Variants in ADAM2 observed in about 807,000 individuals in gnomAD.
ADAM2 encodes disintegrin and metalloproteinase domain-containing protein 2.
A neutral mutation model predicts 99.3 loss-of-function variants in ADAM2; 101 were observed. The ratio of observed to expected loss-of-function variants is 1.02; its 90% CI spans 0.87 to 1.20. ADAM2 has a LOEUF of 1.20. ADAM2 is among the 50% of genes most tolerant of loss of function. ADAM2 has a pLI of 0.00. For missense variants in ADAM2, 948 were observed against 878.7 expected (o/e 1.08, Z -1.00); for synonymous variants, 323 against 287.6 (o/e 1.12, Z -1.25).
chr8:39,830,266 A>T (rs1213106599), intron 3 of ADAM2, among the ~76,000 whole-genome samples: 1 of 152,140 alleles, frequency 6.6e-6, no homozygotes, highest in African/African-American at 2.4e-5. Flanking sequence ...TGACAGATGA[A>T]CAATAATTTT....
At chr8:39,763,263 T>C (rs1321639312) in intron 14 of ADAM2, among the ~76,000 whole-genome samples, 1 of 152,104 alleles carries the variant, frequency 6.6e-6, no homozygotes, top group Non-Finnish European at 1.5e-5. Flanking sequence ...GTAAATTAGA[T>C]AGGTTGGTCA....
intron 7 of ADAM2, among the ~76,000 whole-genome samples, chr8:39,808,692 T>C (rs570647141): frequency 1.3e-5 from 2 of 152,172 alleles, no homozygotes; most frequent in South Asian, 4.1e-4. Context: ...CCGAGGCAGG[T>C]GGATCACGAG....
chr8:39,795,043 T>TA (rs59154527), intron 7 of ADAM2, among the ~76,000 whole-genome samples: 40 of 151,478 alleles, frequency 2.6e-4, no homozygotes, highest in South Asian at 4.2e-4. Flanking sequence ...CTTTATCTAC[T>TA]AAAAAAAAAT....
intron 14 of ADAM2, among the ~76,000 whole-genome samples, chr8:39,764,372 T>G (rs891520420): frequency 6.6e-6 from 1 of 152,220 alleles, no homozygotes. Flanking sequence ...ATTGCATCAC[T>G]GTACTACAGT....
At chr8:39,784,132 T>C (rs1803354068) in intron 10 of ADAM2, among the ~76,000 whole-genome samples, 1 of 152,110 alleles carries the variant, frequency 6.6e-6, no homozygotes, top group African/African-American at 2.4e-5. Flanking sequence ...GTGGTGGGAA[T>C]TTAAACATCA....
chr8:39,783,605 A>G (rs1290117058), intron 10 of ADAM2, among the ~76,000 whole-genome samples: 1 of 152,154 alleles, frequency 6.6e-6, no homozygotes, highest in African/African-American at 2.4e-5. Context: ...ACTATATCTA[A>G]AGACGTATAA....
chr8:39,775,339 A>G (rs1234544319), intron 11 of ADAM2, among the ~76,000 whole-genome samples: 1 of 151,778 alleles, frequency 6.6e-6, no homozygotes, highest in Non-Finnish European at 1.5e-5. Context: ...TTCTAAATAA[A>G]TCCACATACT....
intron 6 of ADAM2, among the ~76,000 whole-genome samples, chr8:39,818,259 G>A (rs1277883564): frequency 6.6e-6 from 1 of 151,994 alleles, no homozygotes; most frequent in Non-Finnish European, 1.5e-5. Context: ...TACAAGGTTA[G>A]TTTAATAATC....
chr8:39,819,220 T>C (rs1255476773), intron 6 of ADAM2, among the ~76,000 whole-genome samples: 2 of 152,042 alleles, frequency 1.3e-5, no homozygotes, highest in African/African-American at 4.8e-5. Flanking sequence ...CTGGTAATAA[T>C]ACTTAACATT....
At position 39,834,000 on chromosome 8, in the gene ADAM2, C is replaced by T; in HGVS notation, c.133-1G>A. 1 of 1,561,416 alleles carries T rather than the reference C, an allele frequency of 6.4e-7. No individual in the cohort carries two copies. The highest frequency in any genetic ancestry group is 1.1e-5 in the South Asian group (1 of 88,894). ...CTTCAATTACAATTTTGTAGGATGC[C>T]TGGCAGGAGAGCACAGTAAAAATAC... is the stretch of plus-strand genomic sequence containing the variant. On this transcript the variant is annotated splice_acceptor_variant, in intron 2 of 20. Transcript: ENST00000265708. LOFTEE classifies it high-confidence loss of function.
rs778859383 is a variant in ADAM2, at chr8:39,746,618, A to G, written c.2028T>C (p.Ile676=). The G allele has an allele frequency of 1.9e-6, 3 of 1,585,752 alleles. No individual in the cohort carries two copies. The South Asian group carries it at 3.6e-5, about 19-fold the overall frequency. ...TTGGTTTGGAATGGTAAATGTTCTC[A>G]ATGTAGCGCCTTTCTAGAAGAAAAA... ...IPARLPERRY[I]ENIYHSKPMR... Residue 676 remains isoleucine (I), a synonymous_variant, in exon 19 of 21, where the codon ATT becomes ATC. Coordinates refer to ENST00000265708, the MANE Select transcript of ADAM2 (RefSeq NM_001464.5).
Position 39,778,279 on chromosome 8 carries a change from A to G in ADAM2, c.892-1118T>C, listed in dbSNP as rs149021277. Among the ~76,000 whole-genome samples the G allele has an allele frequency of 8.5e-5, 13 of 152,096 alleles. 1 individual carries two copies. The highest frequency in any genetic ancestry group is 3.1e-4 in the African/African-American group (13 of 41,536). ...TGTTGCCTCTCTAAGTCAGTTTTCC[A>G]TCATTTTCTACCTTGCCCTCCACCC... On this transcript the variant is annotated intron_variant, in intron 10 of 20. Coordinates refer to ENST00000265708, the MANE Select transcript of ADAM2 (RefSeq NM_001464.5).
intron 9 of ADAM2, 44 bp downstream of exon 9, chr8:39,788,041 A>C (rs778460601): frequency 4.7e-6 from 6 of 1,289,302 alleles, no homozygotes. Context: ...AAATTGCATA[A>C]ATTTTCTTCA....
At chr8:39,785,934 C>T (rs1456581508) in intron 10 of ADAM2, among the ~76,000 whole-genome samples, 21 of 151,918 alleles carry the variant, frequency 1.4e-4, no homozygotes, top group Admixed American at 1.1e-3. Flanking sequence ...AATGGTGGAT[C>T]GGATAAAGAA....
At chr8:39,814,801 G>T (rs2129587466) in intron 6 of ADAM2, among the ~76,000 whole-genome samples, 1 of 151,242 alleles carries the variant, frequency 6.6e-6, no homozygotes, top group Non-Finnish European at 1.5e-5. Context: ...ATATCTGTAG[G>T]TTACAGTAGG....
intron 7 of ADAM2, among the ~76,000 whole-genome samples, chr8:39,808,246 G>A (rs1298591160): frequency 6.8e-6 from 1 of 147,030 alleles, no homozygotes; most frequent in Non-Finnish European, 1.5e-5. Flanking sequence ...AACATTTTTT[G>A]CAAAAATCAC....
At chr8:39,746,029 A>C (rs1334596794) in intron 19 of ADAM2, among the ~76,000 whole-genome samples, 2 of 150,424 alleles carry the variant, frequency 1.3e-5, no homozygotes, top group Non-Finnish European at 3.0e-5. Flanking sequence ...ATATATATAT[A>C]ATTTTTTCTT....
At chr8:39,792,550 A>G (rs1803764995) in intron 7 of ADAM2, among the ~76,000 whole-genome samples, 1 of 152,072 alleles carries the variant, frequency 6.6e-6, no homozygotes, top group South Asian at 2.1e-4. Flanking sequence ...AACAAAATAA[A>G]GGTTGATAAA....
intron 11 of ADAM2, among the ~76,000 whole-genome samples, chr8:39,776,677 A>T (rs1803002755): frequency 6.6e-6 from 1 of 152,246 alleles, no homozygotes; most frequent in Middle Eastern, 3.4e-3. Context: ...AACCAAGGCA[A>T]GTTGAAGGAG....
Sources: allele counts gnomAD v4.1 joint callset (sites outside exome capture counted in the v4.1 genomes callset), GRCh38; gene constraint gnomAD v4.1.1; transcripts MANE v1.5; gene names NCBI Gene and HGNC (gene_info 2026-07-23, HGNC 2026-07-21).